Variants in ITPK1 observed in about 807,000 individuals in gnomAD.
ITPK1 encodes inositol-tetrakisphosphate 1-kinase, also known as inositol 1,3,4-trisphosphate 5/6-kinase.
ITPK1 carries 21 observed loss-of-function variants against 45.3 expected under a neutral mutation model. That is an observed-to-expected ratio of 0.46 (90% CI 0.33 to 0.67). ITPK1 has a LOEUF of 0.67. Among genes scored for constraint, ITPK1 ranks in the 30% least tolerant of loss-of-function variants. The pLI, the probability that ITPK1 is intolerant of heterozygous loss-of-function variation, is 0.02. For synonymous variants in ITPK1, 258 were observed against 253.6 expected, an observed-to-expected ratio of 1.02 and a Z score of -0.16; for missense variants, 474 against 573.5, an observed-to-expected ratio of 0.83 and a Z score of 1.77.
chr14:93,030,010 C>T (rs1344434398), intron 3 of ITPK1, among the ~76,000 whole-genome samples: 1 of 152,234 alleles, frequency 6.6e-6, no homozygotes, highest in African/African-American at 2.4e-5. Flanking sequence ...TGTCTCTCTG[C>T]ACTTCCCACA....
chr14:93,000,872 G>A (rs1387802966), intron 4 of ITPK1, among the ~76,000 whole-genome samples: 3 of 151,350 alleles, frequency 2.0e-5, no homozygotes, highest in East Asian at 3.9e-4. Flanking sequence ...TCAGGAGGCT[G>A]AGGCAGGAGA....
intron 4 of ITPK1, among the ~76,000 whole-genome samples, chr14:93,002,767 C>T (rs1887416609): frequency 6.6e-6 from 1 of 152,172 alleles, no homozygotes; most frequent in African/African-American, 2.4e-5. Context: ...ATCCAGCCCC[C>T]ATCTTTTTGG....
chr14:92,964,155 A>G (rs1333213215), intron 5 of ITPK1, among the ~76,000 whole-genome samples: 1 of 152,096 alleles, frequency 6.6e-6, no homozygotes, highest in Non-Finnish European at 1.5e-5. Context: ...CACAGTCTAA[A>G]CTCCAAACAG....
chr14:92,969,635 C>G (rs908291074), intron 5 of ITPK1, among the ~76,000 whole-genome samples: 3 of 152,186 alleles, frequency 2.0e-5, no homozygotes, highest in Non-Finnish European at 2.9e-5. Context: ...TCCTCCCTCT[C>G]GATCACGAGA....
rs1374312537 is a variant in ITPK1 at position 93,014,425 on chromosome 14, G to GGGCCT, written c.246+2250_246+2251insAGGCC. On this transcript the variant is annotated intron_variant, in intron 4 of 10. Coordinates refer to ENST00000267615, the MANE Select transcript of ITPK1 (RefSeq NM_014216.6). This position sits in a 1 kb window ranked among gnomAD's most constrained non-coding sequence, Gnocchi z 4.4. Reference sequence around the variant, plus strand: ...TTGGGAGCAGATGTTCCAGAACTCCGGGCCCAGGCTAGCTGGGAGATGTGG... The same window carrying GGGCCT: ...TTGGGAGCAGATGTTCCAGAACTCCGGGCCTGGCCCAGGCTAGCTGGGAGATGTGG... Among the ~76,000 whole-genome samples, 1 of 152,190 alleles carries GGGCCT rather than the reference G, an allele frequency of 6.6e-6. No homozygotes were observed. Among genetic ancestry groups the GGGCCT allele is most frequent in the Non-Finnish European group, 1.5e-5 (1 of 68,036 alleles).
chr14:92,941,807 C>T lies in ITPK1; in HGVS notation c.999G>A (p.Val333=). The T allele has an allele frequency of 1.9e-6, 3 of 1,611,684 alleles. No homozygotes were observed. Among genetic ancestry groups the T allele is most frequent in the Non-Finnish European group, 2.5e-6 (3 of 1,179,714 alleles). The change falls in exon 11 of 11, where the codon GTG becomes GTA. Residue 333 remains valine, a synonymous_variant. Coordinates refer to ENST00000267615, the MANE Select transcript of ITPK1 (RefSeq NM_014216.6). ...QSTAMAATGD[V]ALLRHSKLLA... ...GAAGCTTGCTGTGCCTCAGCAGGGCCACGTCCCCTGTGGCTGCCATGGCTG... is the reference window on the plus strand; with the variant it reads ...GAAGCTTGCTGTGCCTCAGCAGGGCTACGTCCCCTGTGGCTGCCATGGCTG...
chr14:93,065,453 G>A (rs1227844189), intron 3 of ITPK1, among the ~76,000 whole-genome samples: 1 of 152,162 alleles, frequency 6.6e-6, no homozygotes, highest in East Asian at 1.9e-4. Context: ...AACAGGTTCT[G>A]TGCTGTTCCT....
chr14:92,950,135 G>A (rs1488152698), intron 9 of ITPK1, among the ~76,000 whole-genome samples: 1 of 152,224 alleles, frequency 6.6e-6, no homozygotes, highest in East Asian at 1.9e-4. Context: ...TAATACCCTA[G>A]ACTGAATTTC....
chr14:93,046,112 G>A (rs960615782), intron 3 of ITPK1, among the ~76,000 whole-genome samples: 1 of 152,176 alleles, frequency 6.6e-6, no homozygotes, highest in Non-Finnish European at 1.5e-5. Flanking sequence ...AGTGTGGTCT[G>A]GGGCAGTCAA....
rs373499413 is a variant in ITPK1 at position 93,054,727 on chromosome 14, G to A, written c.120+21868C>T. ...GCGGTGGCCATGTCCTGATATGTACGGTGGCTTGAGAACCAATGTTCTAGA... is the reference window on the plus strand; with the variant it reads ...GCGGTGGCCATGTCCTGATATGTACAGTGGCTTGAGAACCAATGTTCTAGA... On this transcript the variant is annotated intron_variant, in intron 3 of 10. Transcript: ENST00000267615. Among the ~76,000 whole-genome samples, 12 of 152,146 alleles carry A rather than the reference G, an allele frequency of 7.9e-5. No homozygotes were observed. In the East Asian group the frequency reaches 1.5e-3, roughly 20 times the overall value.
intron 8 of ITPK1, 145 bp from the exon 9 acceptor site, chr14:92,952,158 G>A (rs1229588267): frequency 4.4e-6 from 3 of 676,758 alleles, no homozygotes; most frequent in East Asian, 2.7e-5. Context: ...AGCAAGCTGG[G>A]CACCAGCCCT....
intron 3 of ITPK1, chr14:93,067,900 A>C (rs1028229661): frequency 2.6e-5 from 4 of 153,590 alleles, no homozygotes; most frequent in Middle Eastern, 3.4e-3. Context: ...AAATACCTGC[A>C]TTTCAAATTT....
rs112329643 is a variant in ITPK1, at chr14:93,063,580, C to T, written c.120+13015G>A. ...ATCTCATCACCATCTGGTAGATGGGCCTCAGAGAGGTTGTGCCACTACCCA... is the reference window on the plus strand; with the variant it reads ...ATCTCATCACCATCTGGTAGATGGGTCTCAGAGAGGTTGTGCCACTACCCA... On this transcript the variant is annotated intron_variant, in intron 3 of 10. Transcript: ENST00000267615. This position sits in a 1 kb window ranked among gnomAD's most constrained non-coding sequence, Gnocchi z 4.3. Among the ~76,000 whole-genome samples the T allele has an allele frequency of 0.015, 2,323 of 152,294 alleles. 70 individuals carry two copies. Among genetic ancestry groups the T allele is most frequent in the African/African-American group, 0.052 (2,181 of 41,562 alleles).
At chr14:93,086,536 G>C (rs956982986) in intron 2 of ITPK1, among the ~76,000 whole-genome samples, 4 of 152,254 alleles carry the variant, frequency 2.6e-5, no homozygotes, top group Non-Finnish European at 5.9e-5. Flanking sequence ...ACCAGAGGGG[G>C]ACCCCAGACC....
intron 3 of ITPK1, among the ~76,000 whole-genome samples, chr14:93,062,419 A>G (rs928508756): frequency 2.0e-5 from 3 of 152,130 alleles, no homozygotes; most frequent in African/African-American, 7.2e-5. Context: ...GACAGAGCAA[A>G]ACCCCATCTC....
chr14:92,980,647 T>C (rs3783915), intron 5 of ITPK1, among the ~76,000 whole-genome samples: 31,612 of 152,052 alleles, frequency 0.21, 3,596 homozygotes, highest in East Asian at 0.32. Context: ...ATTGGGGGCC[T>C]ACAAAGGGTC....
At chr14:92,946,151 G>A (rs2139702269) in intron 10 of ITPK1, among the ~76,000 whole-genome samples, 180 bp downstream of exon 10, 1 of 152,208 alleles carries the variant, frequency 6.6e-6, no homozygotes, top group Non-Finnish European at 1.5e-5. Context: ...CTCCCTCCTC[G>A]CACACCCCGT....
chr14:93,041,113 G>A (rs1889546359), intron 3 of ITPK1, among the ~76,000 whole-genome samples: 1 of 152,184 alleles, frequency 6.6e-6, no homozygotes, highest in African/African-American at 2.4e-5. Context: ...ATTTTGATCA[G>A]TGATTAGCCA....
intron 3 of ITPK1, among the ~76,000 whole-genome samples, chr14:93,050,303 C>A (rs1378198354): frequency 6.6e-6 from 1 of 152,164 alleles, no homozygotes; most frequent in Non-Finnish European, 1.5e-5. Flanking sequence ...TCTCCAATTC[C>A]CGTGTGTGGG....
Sources: allele counts gnomAD v4.1 joint callset (sites outside exome capture counted in the v4.1 genomes callset), GRCh38; gene constraint gnomAD v4.1.1; non-coding constraint Gnocchi (gnomAD v3.1); transcripts MANE v1.5; gene names NCBI Gene and HGNC (gene_info 2026-07-23, HGNC 2026-07-21).